Variants in ZMIZ1 observed in about 807,000 individuals in gnomAD.
ZMIZ1 encodes zinc finger MIZ domain-containing protein 1.
Under a neutral mutation model 113.9 loss-of-function variants are expected in ZMIZ1, and 17 were observed. That is an observed-to-expected ratio of 0.15 (90% confidence interval 0.10 to 0.22). The LOEUF (loss-of-function observed/expected upper bound fraction) is 0.22, where lower values mean the gene tolerates loss of function less well. Ranked by LOEUF, ZMIZ1 falls within the 10% of genes least tolerant of loss-of-function variation. The probability of loss-of-function intolerance (pLI) is 1.00; values close to 1 mark genes in which losing one functional copy is unlikely to be tolerated. For missense variants in ZMIZ1, 1,059 were observed against 1,477.8 expected (o/e 0.72, Z 4.65); for synonymous variants, 607 against 603.1 (o/e 1.01, Z -0.09).
intron 2 of ZMIZ1, among the ~76,000 whole-genome samples, chr10:79,133,623 C>T (rs914200006): frequency 6.6e-6 from 1 of 152,154 alleles, no homozygotes. Flanking sequence ...CTGAAATAGA[C>T]ACATGGGGAC....
chr10:79,311,933 C>G (rs1349266579), intron 24 of ZMIZ1, among the ~76,000 whole-genome samples: 1 of 152,218 alleles, frequency 6.6e-6, no homozygotes, highest in Non-Finnish European at 1.5e-5. Flanking sequence ...ACCCCCAGCC[C>G]TGCTCTGTCA....
chr10:79,300,815 G>C lies in ZMIZ1; in HGVS notation c.1892G>C (p.Ser631Thr). 1 of 1,613,920 alleles carries C rather than the reference G, an allele frequency of 6.2e-7. No individual in the cohort carries two copies. Among genetic ancestry groups the C allele is most frequent in the Non-Finnish European group, 8.5e-7 (1 of 1,180,000 alleles). ...AACTGGCCCGCCTCGGTGCAGGTCA[G>C]CGTGAACGCCACGCCCCTCACCATT... ...NTNWPASVQV[S>T]VNATPLTIER... is the part of the protein sequence containing the mutation. Residue 631 changes from serine (S) to threonine (T), a missense_variant, in exon 17 of 25, where the codon AGC (serine) becomes ACC (threonine). Coordinates refer to ENST00000334512, the MANE Select transcript of ZMIZ1 (RefSeq NM_020338.4).
chr10:79,277,436 G>C, intron 8 of ZMIZ1, 111 bp downstream of exon 8: 1 of 1,354,448 alleles, frequency 7.4e-7, no homozygotes. Flanking sequence ...TGAGGATGTT[G>C]CATTTTCTAA....
chr10:79,113,839 T>A (rs781291207), intron 1 of ZMIZ1, among the ~76,000 whole-genome samples: 9 of 152,162 alleles, frequency 5.9e-5, no homozygotes. Flanking sequence ...TATTCACGTT[T>A]GGAGCCCGTT....
chr10:79,256,801 A>G (rs1366442346), intron 7 of ZMIZ1, among the ~76,000 whole-genome samples: 3 of 152,172 alleles, frequency 2.0e-5, no homozygotes, highest in African/African-American at 7.2e-5. Context: ...AGGCATCCAT[A>G]TCCAGGTCAT....
At chr10:79,271,927 C>T (rs985517456) in intron 7 of ZMIZ1, among the ~76,000 whole-genome samples, 1 of 152,188 alleles carries the variant, frequency 6.6e-6, no homozygotes, top group African/African-American at 2.4e-5. Flanking sequence ...TTCGTGCTAA[C>T]TACATGCCAG....
At chr10:79,091,483 C>T (rs2132226945) in intron 1 of ZMIZ1, among the ~76,000 whole-genome samples, 1 of 152,326 alleles carries the variant, frequency 6.6e-6, no homozygotes, top group East Asian at 1.9e-4. Context: ...CTTGGCTACT[C>T]AGCAGAATAG....
In ZMIZ1 at chr10:79,296,271, G is replaced by A. The variant is rs1168137665; in HGVS notation, c.1231-200G>A. On this transcript the variant is annotated intron_variant, in intron 12 of 24. Transcript: ENST00000334512. This position sits in a 1 kb window ranked among gnomAD's most constrained non-coding sequence, Gnocchi z 4.1. ...GGAAGAACGGCCTCAAGGGGAGGTG[G>A]CCTATGATCTGGACAGGCAGAACAA... 6.5e-6 allele frequency: 4 copies of A among 616,838 alleles called. No individual in the cohort carries two copies. The highest frequency in any genetic ancestry group is 1.9e-5 in the African/African-American group (1 of 53,250). 38.2% of individuals were successfully genotyped at this position (616,838 alleles called of 1,614,324 possible).
rs184411858 is a variant in ZMIZ1, at chr10:79,242,950, C to T, written c.280+26676C>T. 2.4e-3 allele frequency among the ~76,000 whole-genome samples: 370 copies of T among 151,276 alleles called. 2 individuals are homozygous for T. Among genetic ancestry groups the T allele is most frequent in the African/African-American group, 8.7e-3 (360 of 41,292 alleles). On this transcript the variant is annotated intron_variant, in intron 7 of 24. Transcript: ENST00000334512. Reference sequence around the variant, plus strand: ...GCTCCCTCGCAGCGAAGTGGCTGGGCTGACGGTCTGCGCGCGCGAGTGAGT... The same window carrying T: ...GCTCCCTCGCAGCGAAGTGGCTGGGTTGACGGTCTGCGCGCGCGAGTGAGT...
At chr10:79,294,099 G>C (rs554615974) in intron 12 of ZMIZ1, 15 of 209,254 alleles carry the variant, frequency 7.2e-5, no homozygotes, top group African/African-American at 3.1e-4. Context: ...TGACCCGTCC[G>C]GGAAGTGACT....
chr10:79,305,501 G>A (rs768456390), intron 20 of ZMIZ1, 32 bp from the exon 21 acceptor site: 1 of 1,613,224 alleles, frequency 6.2e-7, no homozygotes, highest in Non-Finnish European at 8.5e-7. Flanking sequence ...GGGTCCTGGA[G>A]CAGAGGCCAA....
In ZMIZ1 at chr10:79,208,377, G is replaced by A. The variant is rs545145151; in HGVS notation, c.102G>A (p.Glu34=). Residue 34 remains glutamate, a synonymous_variant, in exon 6 of 25, where the codon GAG becomes GAA. Coordinates refer to ENST00000334512, the MANE Select transcript of ZMIZ1 (RefSeq NM_020338.4). ...NPANFHNAAT[E]LLDWCGDPRA... is the part of the protein sequence containing the mutation. ...CCAACTTCCACAATGCCGCCACGGA[G>A]CTGCTGGACTGGTGCGGAGACCCAC... The A allele has an allele frequency of 5.6e-6, 9 of 1,614,146 alleles. No homozygotes were observed. In the South Asian group the frequency reaches 8.8e-5, roughly 16 times the overall value.
At chr10:79,217,005 G>T (rs1448555077) in intron 7 of ZMIZ1, among the ~76,000 whole-genome samples, 1 of 152,230 alleles carries the variant, frequency 6.6e-6, no homozygotes, top group Non-Finnish European at 1.5e-5. Flanking sequence ...CACCCTGCTA[G>T]CTTTAAGCCG....
chr10:79,148,988 A>C (rs574673813), intron 3 of ZMIZ1, among the ~76,000 whole-genome samples: 1 of 152,354 alleles, frequency 6.6e-6, no homozygotes, highest in East Asian at 1.9e-4. Flanking sequence ...CTGCGCTGGC[A>C]GCCAGGGTGT....
chr10:79,176,989 T>C (rs1846895807), intron 4 of ZMIZ1, among the ~76,000 whole-genome samples: 1 of 152,226 alleles, frequency 6.6e-6, no homozygotes, highest in African/African-American at 2.4e-5. Context: ...GCACTGGGAA[T>C]GAGGCCCCTC....
intron 4 of ZMIZ1, among the ~76,000 whole-genome samples, chr10:79,165,622 T>C (rs1039338786): frequency 3.1e-5 from 4 of 130,936 alleles, no homozygotes; most frequent in African/African-American, 1.0e-4. Flanking sequence ...ACATTCAGAC[T>C]GGCCTGGGGG....
chr10:79,079,484 T>G (rs890427026), intron 1 of ZMIZ1, among the ~76,000 whole-genome samples: 1 of 152,212 alleles, frequency 6.6e-6, no homozygotes, highest in Admixed American at 6.5e-5. Flanking sequence ...CTCCCCCTCT[T>G]CCATTCCACC....
intron 1 of ZMIZ1, among the ~76,000 whole-genome samples, chr10:79,091,745 C>G (rs1019610750): frequency 6.6e-6 from 1 of 152,082 alleles, no homozygotes; most frequent in African/African-American, 2.4e-5. Context: ...TCAGCCAGCA[C>G]CCATGGACTT....
intron 4 of ZMIZ1, among the ~76,000 whole-genome samples, chr10:79,200,195 T>A (rs1848014755): frequency 6.6e-6 from 1 of 152,216 alleles, no homozygotes; most frequent in African/African-American, 2.4e-5. Flanking sequence ...CCAGGTCTCC[T>A]GTCCAGCACC....
Sources: allele counts gnomAD v4.1 joint callset (sites outside exome capture counted in the v4.1 genomes callset), GRCh38; gene constraint gnomAD v4.1.1; non-coding constraint Gnocchi (gnomAD v3.1); transcripts MANE v1.5; gene names NCBI Gene and HGNC (gene_info 2026-07-23, HGNC 2026-07-21).